The following DOCK1 variants were observed in gnomAD, a reference collection of about 807,000 sequenced individuals.
DOCK1 encodes dedicator of cytokinesis 1.
Under a neutral mutation model 262.7 loss-of-function variants are expected in DOCK1, and 138 were observed. The observed-to-expected ratio is 0.53, with a 90% CI of 0.46 to 0.61. The LOEUF is 0.61. Among genes scored for constraint, DOCK1 ranks in the 20% least tolerant of loss-of-function variants. The probability of loss-of-function intolerance (pLI) is 0.00; values close to 1 mark genes in which losing one functional copy is unlikely to be tolerated. For missense variants in DOCK1, 1,908 were observed against 2,370.7 expected (o/e 0.80, Z 4.05); for synonymous variants, 866 against 867.4 (o/e 1.00, Z 0.03).
rs746337519 is a variant in DOCK1 at position 127,374,142 on chromosome 10, G to A, written c.3603G>A (p.Arg1201=). 4.3e-6 allele frequency: 7 copies of A among 1,613,678 alleles called. No individual in the cohort carries two copies. The African/African-American group carries it at 8.0e-5, about 18-fold the overall frequency. The part of the protein sequence containing the change: ...FVKLVVRLME[R]LLDYRTIMHD... ...AACTCGTTGTGCGCTTAATGGAAAG[G>A]CTTTTGGATTATAGAACCATCATGC... is the stretch of plus-strand genomic sequence containing the variant. The change falls in exon 35 of 52, where the codon AGG becomes AGA. Residue 1201 remains arginine (R), a synonymous_variant. Transcript: ENST00000623213.
intron 29 of DOCK1, among the ~76,000 whole-genome samples, chr10:127,319,743 T>C (rs2720976): frequency 0.69 from 105,503 of 152,200 alleles, 38,272 homozygotes; most frequent in African/African-American, 0.92. Context: ...CCGTGCCCTG[T>C]CTGAAAGCAG....
chr10:126,939,885 C>T (rs922830017), intron 1 of DOCK1, among the ~76,000 whole-genome samples: 12 of 152,164 alleles, frequency 7.9e-5, no homozygotes, highest in Admixed American at 2.0e-4. Context: ...CGCATGTCCC[C>T]AATGAAGGAG....
At chr10:127,042,824 A>AGTT in intron 20 of DOCK1, 110 bp downstream of exon 20, 1 of 1,177,014 alleles carries the variant, frequency 8.5e-7, no homozygotes, top group Non-Finnish European at 1.2e-6. Context: ...ACGCATTTTC[A>AGTT]GTTGTAAATC....
intron 31 of DOCK1, among the ~76,000 whole-genome samples, chr10:127,354,423 C>T (rs1487496135): frequency 6.6e-6 from 1 of 152,216 alleles, no homozygotes; most frequent in East Asian, 1.9e-4. Flanking sequence ...TGACTCTCCA[C>T]AAGTTCCTCC....
chr10:127,322,187 C>CTTT (rs201505491), intron 29 of DOCK1, among the ~76,000 whole-genome samples: 1 of 146,074 alleles, frequency 6.8e-6, no homozygotes. Context: ...TATAATTTCC[C>CTTT]TTTTTTTTTT....
At chr10:127,105,147 T>C (rs1483993484) in intron 23 of DOCK1, among the ~76,000 whole-genome samples, 1 of 152,192 alleles carries the variant, frequency 6.6e-6, no homozygotes, top group Non-Finnish European at 1.5e-5. Flanking sequence ...CCTGCTGCCA[T>C]GTAAGATGTG....
At chr10:127,340,610 T>C (rs1232624716) in intron 30 of DOCK1, among the ~76,000 whole-genome samples, 1 of 152,218 alleles carries the variant, frequency 6.6e-6, no homozygotes, top group Non-Finnish European at 1.5e-5. Context: ...AAGGTTGATC[T>C]CTAGGCCAAA....
At chr10:127,043,675 C>T (rs1181377715) in intron 21 of DOCK1, among the ~76,000 whole-genome samples, 2 of 152,198 alleles carry the variant, frequency 1.3e-5, no homozygotes, top group East Asian at 1.9e-4. Context: ...CCCGTCTGTG[C>T]CCCAGAGGTC....
At position 127,451,313 on chromosome 10, in the gene DOCK1, C is replaced by A. The variant is rs767240716; in HGVS notation, c.5566-19C>A. ...GGACATCAGTTATGTGACATCTTCC[C>A]CATCCTCATGTTTTTTAGCATCTGC... On this transcript the variant is annotated intron_variant, in intron 51 of 51. Coordinates refer to ENST00000623213, the MANE Select transcript of DOCK1 (RefSeq NM_001290223.2). 7 of 1,575,426 alleles carry A rather than the reference C, an allele frequency of 4.4e-6. No individual in the cohort carries two copies. In the South Asian group the frequency reaches 7.0e-5, roughly 16 times the overall value.
At chr10:127,387,949 G>C (rs2066231119) in intron 38 of DOCK1, among the ~76,000 whole-genome samples, 1 of 151,304 alleles carries the variant, frequency 6.6e-6, no homozygotes, top group Admixed American at 6.6e-5. Flanking sequence ...AAACGAATGT[G>C]TTCGGTTCAG....
chr10:127,282,006 A>G (rs1260439836), intron 29 of DOCK1, among the ~76,000 whole-genome samples: 1 of 152,202 alleles, frequency 6.6e-6, no homozygotes, highest in Admixed American at 6.5e-5. Context: ...TAATACTACA[A>G]TAGCTGGTAA....
intron 23 of DOCK1, among the ~76,000 whole-genome samples, chr10:127,073,500 T>C (rs1054949128): frequency 2.0e-5 from 3 of 152,380 alleles, no homozygotes; most frequent in Admixed American, 6.5e-5. Context: ...GTCCAAGTGT[T>C]AAGCATGAGT....
chr10:127,162,204 G>A (rs144658128), intron 27 of DOCK1, among the ~76,000 whole-genome samples: 31 of 152,292 alleles, frequency 2.0e-4, no homozygotes, highest in African/African-American at 7.2e-4. Context: ...TCTTTCTGGG[G>A]AAGGGCAAAT....
At chr10:127,260,909 G>A (rs1378847512) in intron 29 of DOCK1, among the ~76,000 whole-genome samples, 1 of 139,706 alleles carries the variant, frequency 7.2e-6, no homozygotes, top group African/African-American at 2.9e-5. Context: ...CTGTGTACCT[G>A]CACGTGTGTG....
Position 127,433,447 on chromosome 10 carries a change from A to G in DOCK1, c.5060+19A>G. On this transcript the variant is annotated intron_variant, in intron 48 of 51. Coordinates refer to ENST00000623213, the MANE Select transcript of DOCK1 (RefSeq NM_001290223.2). ...CCGACGGGTGAGTCAAGCTCACAGCAGGGCTGAGCTGAGCAGTGAGGGCTT... is the reference window on the plus strand; with the variant it reads ...CCGACGGGTGAGTCAAGCTCACAGCGGGGCTGAGCTGAGCAGTGAGGGCTT... The G allele has an allele frequency of 3.1e-6, 5 of 1,613,430 alleles. No individual in the cohort carries two copies. In the South Asian group the frequency reaches 5.5e-5, roughly 18 times the overall value.
chr10:126,957,656 T>C (rs898524004), intron 1 of DOCK1, among the ~76,000 whole-genome samples: 2 of 151,986 alleles, frequency 1.3e-5, no homozygotes, highest in Non-Finnish European at 1.5e-5. Flanking sequence ...CTAATATATT[T>C]CGTTGTAGAT....
chr10:127,327,012 C>A (rs117294291), intron 29 of DOCK1, among the ~76,000 whole-genome samples: 2 of 152,314 alleles, frequency 1.3e-5, no homozygotes, highest in South Asian at 2.1e-4. Flanking sequence ...ATTCAGTAAA[C>A]CATGCTCCAA....
intron 23 of DOCK1, among the ~76,000 whole-genome samples, chr10:127,090,133 AT>A (rs1322640124): frequency 6.6e-6 from 1 of 151,648 alleles, no homozygotes; most frequent in Non-Finnish European, 1.5e-5. Flanking sequence ...GCTTCCTGGG[AT>A]TTTTTTTCCT....
At chr10:127,066,942 T>C (rs1664435262) in intron 23 of DOCK1, among the ~76,000 whole-genome samples, 1 of 152,224 alleles carries the variant, frequency 6.6e-6, no homozygotes. Context: ...ATTTGGCTCC[T>C]AGAGACAGTG....
Sources: allele counts gnomAD v4.1 joint callset (sites outside exome capture counted in the v4.1 genomes callset), GRCh38; gene constraint gnomAD v4.1.1; transcripts MANE v1.5; gene names NCBI Gene and HGNC (gene_info 2026-07-23, HGNC 2026-07-21).